Variants in CEP85L observed in about 807,000 individuals in gnomAD.
The protein encoded by CEP85L is centrosomal protein of 85 kDa-like.
CEP85L carries 60 observed loss-of-function variants against 100.3 expected under a neutral mutation model. The ratio of observed to expected loss-of-function variants is 0.60; its 90% CI spans 0.49 to 0.74. The LOEUF is 0.74. CEP85L is among the 30% of genes least tolerant of loss of function. The pLI, the probability that CEP85L is intolerant of heterozygous loss-of-function variation, is 0.00. For missense variants in CEP85L, 973 were observed against 936.2 expected (o/e 1.04, Z -0.51); for synonymous variants, 319 against 322.7 (o/e 0.99, Z 0.12).
chr6:118,610,860 A>T (rs769843419), intron 2 of CEP85L, among the ~76,000 whole-genome samples: 2 of 152,264 alleles, frequency 1.3e-5, no homozygotes, highest in African/African-American at 2.4e-5. Flanking sequence ...GCCAGAAAGA[A>T]GAAGAAAAAT....
chr6:118,556,741 C>G (rs1446551659), intron 3 of CEP85L, among the ~76,000 whole-genome samples: 2 of 152,114 alleles, frequency 1.3e-5, no homozygotes, highest in Non-Finnish European at 2.9e-5. Flanking sequence ...GTCACTATGT[C>G]TGGCAGTTAA....
intron 2 of CEP85L, among the ~76,000 whole-genome samples, chr6:118,631,895 A>G (rs2115319950): frequency 6.6e-6 from 1 of 152,362 alleles, no homozygotes; most frequent in African/African-American, 2.4e-5. Context: ...CCTGGTTACA[A>G]CACTATTATT....
At chr6:118,583,936 T>A (rs1780717531) in intron 2 of CEP85L, among the ~76,000 whole-genome samples, 1 of 152,234 alleles carries the variant, frequency 6.6e-6, no homozygotes, top group Non-Finnish European at 1.5e-5. Flanking sequence ...GTCCTAGATT[T>A]AAAGGATGCC....
chr6:118,600,476 C>T (rs1207893938), intron 2 of CEP85L, among the ~76,000 whole-genome samples: 1 of 151,580 alleles, frequency 6.6e-6, no homozygotes, highest in East Asian at 1.9e-4. Context: ...CACTTGCCAC[C>T]AGGCCCAGCT....
chr6:118,611,568 A>G (rs1772615973), intron 2 of CEP85L, among the ~76,000 whole-genome samples: 1 of 152,200 alleles, frequency 6.6e-6, no homozygotes, highest in Non-Finnish European at 1.5e-5. Flanking sequence ...AAATTGGCAC[A>G]GCAGATTGAT....
chr6:118,561,281 T>A (rs148118390), intron 3 of CEP85L, among the ~76,000 whole-genome samples: 3 of 152,326 alleles, frequency 2.0e-5, no homozygotes, highest in Admixed American at 6.5e-5. Flanking sequence ...ATCCCTAGTC[T>A]TAAAAACAAG....
At chr6:118,634,252 G>GT (rs35597566) in intron 1 of CEP85L, among the ~76,000 whole-genome samples, 107,804 of 151,962 alleles carry the variant, frequency 0.71, 38,950 homozygotes, top group Middle Eastern at 0.75. Context: ...AATTATACCA[G>GT]TTTTTTTAAC....
Position 118,565,828 on chromosome 6 carries a change from T to C in CEP85L, c.721A>G (p.Arg241Gly), listed in dbSNP as rs1187422202. 1 of 1,614,102 alleles carries C rather than the reference T, an allele frequency of 6.2e-7. No individual in the cohort carries two copies. Among genetic ancestry groups the C allele is most frequent in the Admixed American group, 1.7e-5 (1 of 60,032 alleles). ...KFESCSKEDF[R>G]ASSSTLRRQP... ...CTCCTAAGAGTAGAGGAAGAGGCTC[T>C]AAAGTCCTCCTTGCTACAGCTCTCA... is the stretch of plus-strand genomic sequence containing the variant. Residue 241 changes from arginine to glycine, a missense_variant, in exon 3 of 13, where the codon AGA becomes GGA. Physicochemically the swap from Arg to Gly is moderately radical, Grantham distance 125 (BLOSUM62 -2). Around this residue, in one of 3 missense-constraint regions of CEP85L, gnomAD observed 890 missense variants for 844.5 expected, o/e 1.05. Transcript: ENST00000368491.
chr6:118,576,204 G>T lies in CEP85L; in HGVS notation c.233-9888C>A, dbSNP rs139989916. Reference sequence around the variant, plus strand: ...TATTGCCTTACCAAGAATCCAAACTGCCCCCCTCAAAAAGACCTTAGCCTG... The same window carrying T: ...TATTGCCTTACCAAGAATCCAAACTTCCCCCCTCAAAAAGACCTTAGCCTG... On this transcript the variant is annotated intron_variant, in intron 2 of 12. Transcript: ENST00000368491. 6.8e-3 allele frequency among the ~76,000 whole-genome samples: 1,041 copies of T among 152,226 alleles called. 8 individuals are homozygous for T. Among genetic ancestry groups the T allele is most frequent in the Non-Finnish European group, 0.01 (696 of 68,004 alleles).
chr6:118,674,686 A>C (rs1350760233), intron 1 of CEP85L, among the ~76,000 whole-genome samples: 1 of 152,244 alleles, frequency 6.6e-6, no homozygotes, highest in African/African-American at 2.4e-5. Context: ...AGATATACGC[A>C]TGACCATAAA....
chr6:118,709,512 T>C (rs2114398186), intron 1 of CEP85L, among the ~76,000 whole-genome samples: 1 of 130,804 alleles, frequency 7.6e-6, no homozygotes, highest in East Asian at 2.3e-4. Flanking sequence ...CTCATAAAGA[T>C]AACCAGTAAC....
chr6:118,602,688 G>T (rs1781844929), intron 2 of CEP85L, among the ~76,000 whole-genome samples: 1 of 152,130 alleles, frequency 6.6e-6, no homozygotes, highest in Non-Finnish European at 1.5e-5. Flanking sequence ...ACAAATTATG[G>T]TAAGACCGAT....
chr6:118,695,060 C>T (rs1165425087), intron 1 of CEP85L, among the ~76,000 whole-genome samples: 5 of 152,142 alleles, frequency 3.3e-5, no homozygotes, highest in African/African-American at 1.2e-4. Flanking sequence ...ATACTCTTTC[C>T]TTCTAATCAT....
At chr6:118,523,456 G>T (rs1776780583) in intron 4 of CEP85L, among the ~76,000 whole-genome samples, 1 of 152,134 alleles carries the variant, frequency 6.6e-6, no homozygotes, top group Non-Finnish European at 1.5e-5. Flanking sequence ...CTTTCCAACT[G>T]GATAGTTCTC....
At chr6:118,522,757 T>C (rs1369901312) in intron 4 of CEP85L, among the ~76,000 whole-genome samples, 3 of 151,990 alleles carry the variant, frequency 2.0e-5, no homozygotes, top group Admixed American at 6.6e-5. Flanking sequence ...TGCACAGCTG[T>C]AATCCCAGCT....
rs183835169 is a variant in CEP85L at position 118,535,658 on chromosome 6, C to T, written c.1021-11738G>A. 2.2e-3 allele frequency among the ~76,000 whole-genome samples: 332 copies of T among 152,328 alleles called. 2 individuals are homozygous for T. Among genetic ancestry groups the T allele is most frequent in the African/African-American group, 7.5e-3 (310 of 41,580 alleles). ...ATCATCCATTTCTCCAGCTCATCCA[C>T]ACTGTATATGCTATCCACCCACTGG... On this transcript the variant is annotated intron_variant, in intron 3 of 12. Transcript: ENST00000368491.
chr6:118,703,511 C>T (rs1777496144), intron 1 of CEP85L, among the ~76,000 whole-genome samples: 3 of 152,178 alleles, frequency 2.0e-5, no homozygotes, highest in Non-Finnish European at 2.9e-5. Flanking sequence ...CACCAGATAA[C>T]TTTTTCAAAG....
At chr6:118,508,915 A>AT (rs1775813096) in intron 5 of CEP85L, among the ~76,000 whole-genome samples, 1 of 152,074 alleles carries the variant, frequency 6.6e-6, no homozygotes, top group South Asian at 2.1e-4. Flanking sequence ...TTATTACTCT[A>AT]TCTGCTGTTT....
At chr6:118,493,403 C>T (rs1582905653) in intron 5 of CEP85L, among the ~76,000 whole-genome samples, 1 of 151,930 alleles carries the variant, frequency 6.6e-6, no homozygotes, top group Admixed American at 6.6e-5. Flanking sequence ...TGTCTAGACT[C>T]TGAGCAAGTC....
Sources: allele counts gnomAD v4.1 joint callset (sites outside exome capture counted in the v4.1 genomes callset), GRCh38; gene constraint gnomAD v4.1.1; regional missense constraint gnomAD v4.1.1; transcripts MANE v1.5; gene names NCBI Gene and HGNC (gene_info 2026-07-23, HGNC 2026-07-21).